Variants in RAB5B observed in about 807,000 individuals in gnomAD.
RAB5B encodes the protein ras-related protein Rab-5B.
In RAB5B, 11 loss-of-function variants were observed where a neutral mutation model predicts 28.6. The ratio of observed to expected loss-of-function variants is 0.38; its 90% CI spans 0.24 to 0.64. The LOEUF (loss-of-function observed/expected upper bound fraction) is 0.64, where lower values mean the gene tolerates loss of function less well. RAB5B is among the 30% of genes least tolerant of loss of function. RAB5B has a pLI of 0.53. For synonymous variants in RAB5B, 93 were observed against 97.9 expected, an observed-to-expected ratio of 0.95 and a Z score of 0.29; for missense variants, 169 against 265.6, an observed-to-expected ratio of 0.64 and a Z score of 2.53.
At chr12:55,979,573 A>G (rs1340761739) in intron 1 of RAB5B, 7 of 152,158 alleles carry the variant, frequency 4.6e-5, no homozygotes, top group African/African-American at 1.4e-4. Flanking sequence ...TTGTTTTCCT[A>G]TTGCCTCTCA....
chr12:55,978,106 T>TG (rs1889695438), intron 1 of RAB5B, among the ~76,000 whole-genome samples: 1 of 152,196 alleles, frequency 6.6e-6, no homozygotes, highest in African/African-American at 2.4e-5. Flanking sequence ...CCATGCGAGT[T>TG]GCAATAGTAC....
At chr12:55,986,175 G>A (rs34071823) in intron 1 of RAB5B, among the ~76,000 whole-genome samples, 11,341 of 152,188 alleles carry the variant, frequency 0.075, 471 homozygotes, top group Non-Finnish European at 0.081. Context: ...GGCCAGGCAC[G>A]GTGGCTCATG....
intron 1 of RAB5B, chr12:55,985,520 C>T (rs927316727): frequency 7.0e-6 from 2 of 286,204 alleles, no homozygotes; most frequent in African/African-American, 4.5e-5. Flanking sequence ...CGCTCAGAGT[C>T]AGGATGATGA....
At chr12:55,990,234 C>G (rs879738101) in intron 3 of RAB5B, 136 bp downstream of exon 3, 15 of 979,388 alleles carry the variant, frequency 1.5e-5, no homozygotes, top group Non-Finnish European at 2.0e-5. Flanking sequence ...ATGGTGAAAC[C>G]CCGTCTCTAC....
chr12:55,996,255 C>T lies in RAB5B; in HGVS notation c.*4043C>T, dbSNP rs185511541. On this transcript the variant is annotated 3_prime_UTR_variant, in exon 6 of 6. Coordinates refer to ENST00000360299, the MANE Select transcript of RAB5B (RefSeq NM_002868.4). ...GATCTTTCAAAATTAAAGGTGAACA[C>T]CTTCACTTAAACTGATTAAAATTGC... The T allele has an allele frequency of 6.6e-6, 1 of 151,742 alleles. No individual in the cohort carries two copies. Among genetic ancestry groups the T allele is most frequent in the South Asian group, 2.1e-4 (1 of 4,822 alleles). The allele number at this position is 151,742 out of a possible 1,614,324, so 9.4% of individuals were successfully genotyped here.
rs377074890 is a variant in RAB5B at position 55,990,407 on chromosome 12, C to CA, written c.316-265dup. On this transcript the variant is annotated intron_variant, in intron 3 of 5. Coordinates refer to ENST00000360299, the MANE Select transcript of RAB5B (RefSeq NM_002868.4). Reference sequence around the variant, plus strand: ...TCGGCGACAGAGCAAAACTCCGCCTCAAAAAAAAAAGAAAAAAGACTGTCC... The same window carrying CA: ...TCGGCGACAGAGCAAAACTCCGCCTCAAAAAAAAAAAGAAAAAAGACTGTCC... Among the ~76,000 whole-genome samples, 558 of 127,954 alleles carry CA rather than the reference C, an allele frequency of 4.4e-3. 2 individuals are homozygous for CA. Among genetic ancestry groups the CA allele is most frequent in the Admixed American group, 8.9e-3 (112 of 12,524 alleles). 83.9% of individuals were successfully genotyped at this position (127,954 alleles called of 152,430 possible). A position where few individuals can be genotyped will look rare whatever the true frequency, so the allele number is the denominator to read the frequency against.
In RAB5B at chr12:55,986,849, T is replaced by C; in HGVS notation, c.-92-20T>C. ...TTCAATGGACGTATGTTTAATTTTATTCACTTTTTTTTCTTGCAGGAGTGT... is the reference window on the plus strand; with the variant it reads ...TTCAATGGACGTATGTTTAATTTTACTCACTTTTTTTTCTTGCAGGAGTGT... On this transcript the variant is annotated intron_variant, in intron 1 of 5. Coordinates refer to ENST00000360299, the MANE Select transcript of RAB5B (RefSeq NM_002868.4). 2.4e-6 allele frequency: 2 copies of C among 817,036 alleles called. No individual in the cohort carries two copies. Among genetic ancestry groups the C allele is most frequent in the South Asian group, 1.5e-5 (1 of 66,778 alleles). 50.6% of individuals were successfully genotyped at this position (817,036 alleles called of 1,614,324 possible).
intron 1 of RAB5B, chr12:55,980,481 G>C: frequency 6.3e-7 from 1 of 1,592,330 alleles, no homozygotes; most frequent in East Asian, 2.2e-5. Context: ...TCAGTACTGG[G>C]AGGCTTGTTG....
intron 3 of RAB5B, 70 bp from the exon 4 acceptor site, chr12:55,990,610 ACT>A (rs1181943119): frequency 2.5e-6 from 4 of 1,576,134 alleles, no homozygotes; most frequent in African/African-American, 1.4e-5. Context: ...GAATTTTGAG[ACT>A]CATTTTAAAA....
At chr12:55,975,497 C>T (rs1340876969) in intron 1 of RAB5B, among the ~76,000 whole-genome samples, 1 of 151,946 alleles carries the variant, frequency 6.6e-6, no homozygotes, top group African/African-American at 2.4e-5. Context: ...GCCTGTAATC[C>T]CAGCACTTTG....
chr12:55,992,456 C>A lies in RAB5B; in HGVS notation c.*244C>A. ...GGGGGTCAACTCCCCCCAGGACTTACCTTCCAAAACAAACTTTCTTCACTT... is the reference window on the plus strand; with the variant it reads ...GGGGGTCAACTCCCCCCAGGACTTAACTTCCAAAACAAACTTTCTTCACTT... On this transcript the variant is annotated 3_prime_UTR_variant, in exon 6 of 6. Coordinates refer to ENST00000360299, the MANE Select transcript of RAB5B (RefSeq NM_002868.4). 1 of 663,378 alleles carries A rather than the reference C, an allele frequency of 1.5e-6. No individual in the cohort carries two copies. The highest frequency in any genetic ancestry group is 2.8e-6 in the Non-Finnish European group (1 of 360,492). The allele number at this position is 663,378 out of a possible 1,614,324, so 41.1% of individuals were successfully genotyped here. A position where few individuals can be genotyped will look rare whatever the true frequency, so the allele number is the denominator to read the frequency against.
Position 55,996,003 on chromosome 12 carries a change from A to ATATTTTT in RAB5B, c.*3792_*3793insATTTTTT. ...TATATACATATATATATATATATAT[A>ATATTTTT]TTTTTTTTTTAACAACTGGTAGGAT... On this transcript the variant is annotated 3_prime_UTR_variant, in exon 6 of 6. Coordinates refer to ENST00000360299, the MANE Select transcript of RAB5B (RefSeq NM_002868.4). 1.7e-3 allele frequency: 167 copies of ATATTTTT among 97,372 alleles called. No homozygotes were observed. Among genetic ancestry groups the ATATTTTT allele is most frequent in the East Asian group, 8.5e-3 (37 of 4,336 alleles). The allele number at this position is 97,372 out of a possible 1,614,324, so 6.0% of individuals were successfully genotyped here.
At chr12:55,978,878 T>G (rs1476157643) in intron 1 of RAB5B, among the ~76,000 whole-genome samples, 2 of 150,784 alleles carry the variant, frequency 1.3e-5, no homozygotes, top group South Asian at 2.2e-4. Context: ...GCTCAAGCAA[T>G]TCTCATGTCT....
intron 2 of RAB5B, among the ~76,000 whole-genome samples, chr12:55,987,976 C>T (rs771958905): frequency 1.1e-4 from 16 of 150,972 alleles, no homozygotes; most frequent in African/African-American, 2.2e-4. Context: ...GTGAAATCCC[C>T]GTCTCTACTA....
In RAB5B at chr12:55,990,706, TG is replaced by T; in HGVS notation, c.343del (p.Val115Ter). On this transcript the variant is annotated frameshift_variant, in exon 4 of 6. Transcript: ENST00000360299. LOFTEE classifies it high-confidence loss of function. ...NQETFARAKT[W>X]VKELQRQASP... is the part of the protein sequence containing the mutation. ...GGAAACCTTTGCCCGAGCAAAGACATGGGTGAAGGAACTACAGCGACAGGCC... is the reference window on the plus strand; with the variant it reads ...GGAAACCTTTGCCCGAGCAAAGACATGGTGAAGGAACTACAGCGACAGGCC... The T allele has an allele frequency of 6.2e-7, 1 of 1,613,888 alleles. No homozygotes were observed. The highest frequency in any genetic ancestry group is 8.5e-7 in the Non-Finnish European group (1 of 1,179,838).
At chr12:55,981,159 G>A in intron 1 of RAB5B, 3 of 788,398 alleles carry the variant, frequency 3.8e-6, no homozygotes, top group South Asian at 3.4e-5. Flanking sequence ...TGCCTCCCAG[G>A]TTCAAGCAAT....
Position 55,996,003 on chromosome 12 carries a change from A to ATATATCTATATATATATATATTTT in RAB5B, c.*3792_*3793insATATCTATATATATATATATTTTT. ...TATATACATATATATATATATATAT[A>ATATATCTATATATATATATATTTT]TTTTTTTTTTAACAACTGGTAGGAT... On this transcript the variant is annotated 3_prime_UTR_variant, in exon 6 of 6. Coordinates refer to ENST00000360299, the MANE Select transcript of RAB5B (RefSeq NM_002868.4). 1.0e-5 allele frequency: 1 copy of ATATATCTATATATATATATATTTT among 97,434 alleles called. No individual in the cohort carries two copies. Among genetic ancestry groups the ATATATCTATATATATATATATTTT allele is most frequent in the Non-Finnish European group, 2.0e-5 (1 of 50,494 alleles). 6.0% of individuals were successfully genotyped at this position (97,434 alleles called of 1,614,324 possible). A position where few individuals can be genotyped will look rare whatever the true frequency, so the allele number is the denominator to read the frequency against.
intron 1 of RAB5B, among the ~76,000 whole-genome samples, chr12:55,977,015 C>T (rs1889663164): frequency 6.6e-6 from 1 of 152,084 alleles, no homozygotes; most frequent in African/African-American, 2.4e-5. Context: ...ACTTTTGTCA[C>T]CCAGGCTGGA....
In RAB5B at chr12:55,989,990, G is replaced by C. The variant is rs762531020; in HGVS notation, c.207G>C (p.Val69=). ...CCGTTTGTCTAGATGACACAACAGT[G>C]AAGTTTGAGATCTGGGACACAGCTG... ...TQSVCLDDTT[V]KFEIWDTAGQ... is the part of the protein sequence containing the mutation. Residue 69 remains valine (V), a synonymous_variant, in exon 3 of 6, where the codon GTG becomes GTC. Coordinates refer to ENST00000360299, the MANE Select transcript of RAB5B (RefSeq NM_002868.4). The C allele has an allele frequency of 3.7e-6, 6 of 1,613,838 alleles. No homozygotes were observed. The Admixed American group carries it at 1.0e-4, about 27-fold the overall frequency.
Sources: gnomAD v4.1 joint callset for allele counts (sites outside exome capture counted in the v4.1 genomes callset) on GRCh38, gnomAD v4.1.1 for gene constraint, MANE v1.5 for transcripts, NCBI Gene and HGNC (gene_info 2026-07-23, HGNC 2026-07-21) for gene names.